The following FER1L6 variants were observed in gnomAD, a reference collection of about 807,000 sequenced individuals.
FER1L6 encodes the protein fer-1 like family member 6.
In FER1L6, 177 loss-of-function variants were observed where a neutral mutation model predicts 219.2. That is an observed-to-expected ratio of 0.81 (90% CI 0.71 to 0.91). The LOEUF is 0.91. Among genes scored for constraint, FER1L6 ranks in the 40% least tolerant of loss-of-function variants. FER1L6 has a pLI of 0.00. For synonymous variants in FER1L6, 768 were observed against 824.3 expected (o/e 0.93, Z 1.17); for missense variants, 2,153 against 2,259.9 (o/e 0.95, Z 0.96).
chr8:124,065,678 G>C (rs1255177910), intron 26 of FER1L6, among the ~76,000 whole-genome samples: 1 of 152,204 alleles, frequency 6.6e-6, no homozygotes, highest in Admixed American at 6.5e-5. Flanking sequence ...AGCCTCAGCA[G>C]AGAAGAGATA....
chr8:123,933,421 C>T (rs1378944665), intron 1 of FER1L6, among the ~76,000 whole-genome samples: 2 of 151,726 alleles, frequency 1.3e-5, no homozygotes, highest in South Asian at 2.1e-4. Context: ...TGTAGCCTCA[C>T]ACTAGCCTAT....
At chr8:123,925,255 G>A (rs1051091662) in intron 1 of FER1L6, among the ~76,000 whole-genome samples, 6 of 152,188 alleles carry the variant, frequency 3.9e-5, no homozygotes, top group African/African-American at 1.4e-4. Flanking sequence ...CAGGGACCCA[G>A]CCTCTGCCTC....
chr8:123,893,443 G>T (rs1456620798), intron 1 of FER1L6, among the ~76,000 whole-genome samples: 1 of 152,184 alleles, frequency 6.6e-6, no homozygotes, highest in African/African-American at 2.4e-5. Flanking sequence ...CTTTTTCAGA[G>T]ATTAGAGAAC....
intron 1 of FER1L6, among the ~76,000 whole-genome samples, chr8:123,918,920 C>T (rs1310587026): frequency 6.6e-6 from 1 of 152,106 alleles, no homozygotes; most frequent in Non-Finnish European, 1.5e-5. Context: ...GGAAAACACA[C>T]CGGCCCCTGG....
chr8:124,118,877 G>A lies in FER1L6; in HGVS notation c.5323G>A (p.Ala1775Thr). ...TGAAGCTGAGTTCCACCTAGTTACA[G>A]CAGAAGAAGCTGAGAAAAATCCTGT... ...KVEAEFHLVT[A>T]EEAEKNPVGK... Residue 1775 changes from alanine to threonine, a missense_variant, in exon 40 of 41, where the codon GCA becomes ACA. Ala to Thr is a moderately conservative substitution (Grantham distance 58). Transcript: ENST00000522917. 1 of 1,614,042 alleles carries A rather than the reference G, an allele frequency of 6.2e-7. No individual in the cohort carries two copies. Among genetic ancestry groups the A allele is most frequent in the South Asian group, 1.1e-5 (1 of 91,084 alleles).
intron 12 of FER1L6, among the ~76,000 whole-genome samples, chr8:124,002,376 G>A (rs1817452669): frequency 6.6e-6 from 1 of 152,168 alleles, no homozygotes; most frequent in African/African-American, 2.4e-5. Context: ...GAACGAAGAA[G>A]TTAGGAAGGC....
rs115370881 is a variant in FER1L6 at position 123,949,461 on chromosome 8, G to A, written c.-7-6531G>A. ...ATCTGTTATGGGTCAGTGTATTGGT[G>A]TTCCTGAGGTTATAAACATACCCTT... is the stretch of plus-strand genomic sequence containing the variant. On this transcript the variant is annotated intron_variant, in intron 1 of 40. Transcript: ENST00000522917. 7.0e-3 allele frequency among the ~76,000 whole-genome samples: 1,064 copies of A among 152,260 alleles called. 12 individuals are homozygous for A. Among genetic ancestry groups the A allele is most frequent in the African/African-American group, 0.024 (1,003 of 41,554 alleles).
chr8:123,945,937 C>G (rs1586498210), intron 1 of FER1L6, among the ~76,000 whole-genome samples: 1 of 152,118 alleles, frequency 6.6e-6, no homozygotes, highest in Non-Finnish European at 1.5e-5. Flanking sequence ...ACTTTTAACC[C>G]CTTGGAACAT....
Position 123,980,748 on chromosome 8 carries a change from A to G in FER1L6, c.1347A>G (p.Gln449=). 6.2e-7 allele frequency: 1 copy of G among 1,614,192 alleles called. No homozygotes were observed. The highest frequency in any genetic ancestry group is 8.5e-7 in the Non-Finnish European group (1 of 1,180,032). Residue 449 remains glutamine (Q), a synonymous_variant, in exon 11 of 41, where the codon CAA becomes CAG. Transcript: ENST00000522917. The part of the protein sequence containing the change: ...KADKTEDGKS[Q]QASNKTNSTE... Reference sequence around the variant, plus strand: ...ACAAAACTGAAGATGGAAAATCCCAACAGGCTTCAAACAAAACTAACTCAA... The same window carrying G: ...ACAAAACTGAAGATGGAAAATCCCAGCAGGCTTCAAACAAAACTAACTCAA...
chr8:124,025,624 GTTCT>G (rs1292420421), intron 18 of FER1L6, among the ~76,000 whole-genome samples: 1 of 152,076 alleles, frequency 6.6e-6, no homozygotes. Flanking sequence ...CTCTAGATTT[GTTCT>G]TTTTCTTTAG....
chr8:124,114,894 C>CATATAT (rs1563808836), intron 39 of FER1L6, among the ~76,000 whole-genome samples: 37 of 30,962 alleles, frequency 1.2e-3, no homozygotes, highest in African/African-American at 2.0e-3. Flanking sequence ...TGTGTGTGTG[C>CATATAT]GTATATATAT....
chr8:124,052,987 G>A (rs1197546798), intron 22 of FER1L6, among the ~76,000 whole-genome samples: 1 of 152,176 alleles, frequency 6.6e-6, no homozygotes, highest in African/African-American at 2.4e-5. Context: ...ATGTACAAGT[G>A]GTAAAGGTGG....
At chr8:124,006,623 G>A (rs1321124348) in intron 13 of FER1L6, among the ~76,000 whole-genome samples, 1 of 152,202 alleles carries the variant, frequency 6.6e-6, no homozygotes, top group Non-Finnish European at 1.5e-5. Context: ...GCATTCACAT[G>A]CAGCTTATTT....
At chr8:124,063,975 G>A (rs1820709437) in intron 25 of FER1L6, among the ~76,000 whole-genome samples, 1 of 152,098 alleles carries the variant, frequency 6.6e-6, no homozygotes, top group Non-Finnish European at 1.5e-5. Context: ...GCTCTCTGGA[G>A]CTCCAAAGCC....
intron 35 of FER1L6, among the ~76,000 whole-genome samples, chr8:124,096,166 C>T (rs1822279418): frequency 6.6e-6 from 1 of 152,174 alleles, no homozygotes; most frequent in Admixed American, 6.5e-5. Flanking sequence ...TGATTGTTTC[C>T]TGAAATTCAC....
intron 39 of FER1L6, among the ~76,000 whole-genome samples, chr8:124,107,205 C>G (rs1009586258): frequency 6.6e-6 from 1 of 152,120 alleles, no homozygotes; most frequent in Non-Finnish European, 1.5e-5. Context: ...GCCTCAGCCT[C>G]TCAAAGTGCT....
At chr8:123,879,264 C>G (rs1035922851) in intron 1 of FER1L6, among the ~76,000 whole-genome samples, 1 of 152,186 alleles carries the variant, frequency 6.6e-6, no homozygotes, top group East Asian at 1.9e-4. Flanking sequence ...AATTGTGCCA[C>G]TGCACTCCAG....
At chr8:123,854,338 G>A (rs1213264824) in intron 1 of FER1L6, among the ~76,000 whole-genome samples, 2 of 152,146 alleles carry the variant, frequency 1.3e-5, no homozygotes, top group Non-Finnish European at 1.5e-5. Flanking sequence ...GGAAATCCAA[G>A]GCTCCTCCCA....
intron 20 of FER1L6, among the ~76,000 whole-genome samples, chr8:124,041,741 T>C (rs1819510899): frequency 1.3e-5 from 2 of 152,178 alleles, no homozygotes; most frequent in Admixed American, 6.5e-5. Flanking sequence ...TGACTGAGCA[T>C]AAAAATGAGA....
Sources: gnomAD v4.1 joint callset for allele counts (sites outside exome capture counted in the v4.1 genomes callset) on GRCh38, gnomAD v4.1.1 for gene constraint, MANE v1.5 for transcripts, NCBI Gene and HGNC (gene_info 2026-07-23, HGNC 2026-07-21) for gene names.